The following ASAH2 variants were observed in gnomAD, a reference collection of about 807,000 sequenced individuals.
ASAH2 encodes the protein N-acylsphingosine amidohydrolase 2.
ASAH2 carries 58 observed loss-of-function variants against 82.9 expected under a neutral mutation model. The observed-to-expected ratio is 0.70, with a 90% CI of 0.57 to 0.87. The LOEUF (loss-of-function observed/expected upper bound fraction) is 0.87, where lower values mean the gene tolerates loss of function less well. ASAH2 is among the 40% of genes least tolerant of loss of function. The pLI, the probability that ASAH2 is intolerant of heterozygous loss-of-function variation, is 0.00. For missense variants in ASAH2, 779 were observed against 834.0 expected (o/e 0.93, Z 0.81); for synonymous variants, 276 against 289.7 (o/e 0.95, Z 0.48).
At chr10:50,241,664 A>G (rs1410291042) in intron 4 of ASAH2, among the ~76,000 whole-genome samples, 1 of 152,200 alleles carries the variant, frequency 6.6e-6, no homozygotes, top group African/African-American at 2.4e-5. Flanking sequence ...GATAGACTAG[A>G]TAAAGAAAAT....
intron 7 of ASAH2, among the ~76,000 whole-genome samples, chr10:50,225,964 G>A (rs34158899): frequency 0.21 from 31,760 of 151,696 alleles, 4,205 homozygotes; most frequent in East Asian, 0.41. Context: ...GTGGTAGTGC[G>A]CACCTGTAAT....
intron 7 of ASAH2, among the ~76,000 whole-genome samples, chr10:50,232,593 A>G (rs1846047532): frequency 6.6e-6 from 1 of 152,172 alleles, no homozygotes; most frequent in South Asian, 2.1e-4. Flanking sequence ...TTTTCAAGAA[A>G]ACAAAATCCA....
chr10:50,202,989 A>G (rs1398033590), intron 15 of ASAH2, 65 bp from the exon 16 acceptor site: 1 of 1,085,848 alleles, frequency 9.2e-7, no homozygotes, highest in East Asian at 2.4e-5. Context: ...TCATTCTGTT[A>G]TCCTTAACAC....
chr10:50,249,797 T>G (rs1846568477), intron 1 of ASAH2, among the ~76,000 whole-genome samples: 2 of 152,180 alleles, frequency 1.3e-5, no homozygotes, highest in Non-Finnish European at 1.5e-5. Flanking sequence ...TGTTAAAGGA[T>G]GATTGGAATC....
intron 13 of ASAH2, 146 bp downstream of exon 13, chr10:50,205,836 C>T (rs1021313467): frequency 2.8e-6 from 2 of 712,652 alleles, no homozygotes; most frequent in African/African-American, 3.6e-5. Context: ...AGTCATGGAA[C>T]CCATTTTTTA....
At chr10:50,218,803 G>A (rs1011793670) in intron 7 of ASAH2, among the ~76,000 whole-genome samples, 173 bp from the exon 8 acceptor site, 2 of 152,124 alleles carry the variant, frequency 1.3e-5, no homozygotes, top group African/African-American at 2.4e-5. Flanking sequence ...TGCAAAAAAT[G>A]TACTCAAGAA....
In ASAH2 at chr10:50,230,290, A is replaced by G. The variant is rs1349313382; in HGVS notation, c.893+2894T>C. 4.6e-5 allele frequency among the ~76,000 whole-genome samples: 7 copies of G among 152,288 alleles called. No individual in the cohort carries two copies. In the East Asian group the frequency reaches 1.2e-3, roughly 25 times the overall value. ...TGTGAAGAAGATAGTCTTGGCTGTG[A>G]TGCTGGGCAGGTCACATCACCTTTC... On this transcript the variant is annotated intron_variant, in intron 7 of 20. Transcript: ENST00000682911.
At chr10:50,199,927 T>C (rs1845096209) in intron 16 of ASAH2, among the ~76,000 whole-genome samples, 1 of 151,778 alleles carries the variant, frequency 6.6e-6, no homozygotes, top group Non-Finnish European at 1.5e-5. Context: ...GATCTCTTTT[T>C]TTATATTTGT....
intron 12 of ASAH2, among the ~76,000 whole-genome samples, chr10:50,206,697 G>T (rs1183625051): frequency 6.6e-6 from 1 of 151,858 alleles, no homozygotes; most frequent in Non-Finnish European, 1.5e-5. Context: ...AATTATAAAT[G>T]TCTGTGTAAC....
chr10:50,223,691 G>A lies in ASAH2; in HGVS notation c.894-5061C>T, dbSNP rs796288482. 2.5e-4 allele frequency among the ~76,000 whole-genome samples: 38 copies of A among 152,200 alleles called. No homozygotes were observed. In the South Asian group the frequency reaches 7.7e-3, roughly 31 times the overall value. On this transcript the variant is annotated intron_variant, in intron 7 of 20. Transcript: ENST00000682911. ...CAGAATGTGACTTACTTGCAAATAT[G>A]GGTTTTATAGATGTAATCAAGGTAA...
chr10:50,236,180 T>C, intron 4 of ASAH2, 116 bp from the exon 5 acceptor site: 1 of 898,718 alleles, frequency 1.1e-6, no homozygotes, highest in South Asian at 1.4e-5. Context: ...TATTAGTCCA[T>C]TCTCATGCTG....
At chr10:50,208,612 T>G (rs1023280392) in intron 12 of ASAH2, among the ~76,000 whole-genome samples, 1 of 152,178 alleles carries the variant, frequency 6.6e-6, no homozygotes, top group African/African-American at 2.4e-5. Flanking sequence ...CAAAATTTAT[T>G]TTTTGTATTT....
chr10:50,230,485 C>A (rs1456910473), intron 7 of ASAH2, among the ~76,000 whole-genome samples: 1 of 152,088 alleles, frequency 6.6e-6, no homozygotes, highest in Non-Finnish European at 1.5e-5. Flanking sequence ...TATTTTGGAT[C>A]ATTTTTAACG....
rs113830248 is a variant in ASAH2, at chr10:50,245,234, T to G, written c.348A>C (p.Ala116=). 25 of 1,613,620 alleles carry G rather than the reference T, an allele frequency of 1.5e-5. No homozygotes were observed. Among genetic ancestry groups the G allele is most frequent in the African/African-American group, 1.2e-4 (9 of 75,030 alleles). ...ATTGTCTACTTGCCAAATTGATATC[T>G]GCTACTTGTCCTGTGCAGTCAGCTC... ...VGRADCTGQV[A]DINLMGYGKS... The change falls in exon 3 of 21, where the codon GCA becomes GCC. Residue 116 remains alanine, a synonymous_variant. Coordinates refer to ENST00000682911, the MANE Select transcript of ASAH2 (RefSeq NM_019893.4).
rs1844960557 is a variant in ASAH2, at chr10:50,195,757, C to T, written c.2004+1016G>A. Among the ~76,000 whole-genome samples the T allele has an allele frequency of 2.0e-5, 3 of 151,756 alleles. No individual in the cohort carries two copies. In the South Asian group the frequency reaches 6.2e-4, roughly 32 times the overall value. On this transcript the variant is annotated intron_variant, in intron 18 of 20. Coordinates refer to ENST00000682911, the MANE Select transcript of ASAH2 (RefSeq NM_019893.4). ...TACATTTGATACAACATGGATAAAC[C>T]TGGAGAACATTAGATTCAGTAAAAT...
At chr10:50,240,246 A>C (rs547681820) in intron 4 of ASAH2, among the ~76,000 whole-genome samples, 2 of 152,162 alleles carry the variant, frequency 1.3e-5, no homozygotes, top group Non-Finnish European at 2.9e-5. Flanking sequence ...AGTTACAAAA[A>C]ATAAAAACCC....
Position 50,227,902 on chromosome 10 carries a change from C to A in ASAH2, c.893+5282G>T, listed in dbSNP as rs1564844948. Among the ~76,000 whole-genome samples, 4 of 152,268 alleles carry A rather than the reference C, an allele frequency of 2.6e-5. No homozygotes were observed. In the East Asian group the frequency reaches 7.7e-4, roughly 29 times the overall value. ...TGACCCAGGATGAAAGCTCACTTCA[C>A]AACCATGACCAAGCTCCACTGAAGA... On this transcript the variant is annotated intron_variant, in intron 7 of 20. Transcript: ENST00000682911.
intron 9 of ASAH2, 52 bp from the exon 10 acceptor site, chr10:50,213,110 A>C: frequency 6.9e-7 from 1 of 1,453,106 alleles, no homozygotes; most frequent in Admixed American, 1.7e-5. Flanking sequence ...AAATTATTTT[A>C]AGGAATAAAG....
chr10:50,214,626 G>A, intron 9 of ASAH2, 117 bp downstream of exon 9: 1 of 1,266,340 alleles, frequency 7.9e-7, no homozygotes, highest in Non-Finnish European at 1.1e-6. Context: ...AGATGCTAGG[G>A]AGAACTAGGC....
Sources: allele counts gnomAD v4.1 joint callset (sites outside exome capture counted in the v4.1 genomes callset), GRCh38; gene constraint gnomAD v4.1.1; transcripts MANE v1.5; gene names NCBI Gene and HGNC (gene_info 2026-07-23, HGNC 2026-07-21).